ANXA1: variants seen among roughly 807,000 people sequenced by gnomAD.
ANXA1 encodes annexin I (lipocortin I).
ANXA1 carries 39 observed loss-of-function variants against 47.9 expected under a neutral mutation model. The ratio of observed to expected loss-of-function variants is 0.81; its 90% CI spans 0.63 to 1.06. ANXA1 has a LOEUF of 1.06. Ranked by LOEUF, ANXA1 falls within the 50% of genes least tolerant of loss-of-function variation. The probability of loss-of-function intolerance (pLI) is 0.00; values close to 1 mark genes in which losing one functional copy is unlikely to be tolerated. For synonymous variants in ANXA1, 146 were observed against 142.5 expected (o/e 1.02, Z -0.17); for missense variants, 446 against 422.7 (o/e 1.06, Z -0.48).
At position 73,161,055 on chromosome 9, in the gene ANXA1, G is replaced by C. The variant is rs569948029; in HGVS notation, c.475+162G>C. ...ACATGTCTATTAAATGCTGTTACCA[G>C]GCAACGCTTGAGTTGCTAGGTTGCT... On this transcript the variant is annotated intron_variant, in intron 6 of 12. Coordinates refer to ENST00000257497, the MANE Select transcript of ANXA1 (RefSeq NM_000700.3). 1.6e-4 allele frequency among the ~76,000 whole-genome samples: 24 copies of C among 152,200 alleles called. 1 individual carries two copies. The South Asian group carries it at 4.6e-3, about 29-fold the overall frequency.
chr9:73,165,260 CT>C, intron 9 of ANXA1, 51 bp downstream of exon 9: 1 of 1,475,188 alleles, frequency 6.8e-7, no homozygotes, highest in Non-Finnish European at 9.4e-7. Context: ...ATGCAATTTT[CT>C]TTTTTGATGA....
intron 12 of ANXA1, 98 bp from the exon 13 acceptor site, chr9:73,169,953 T>C (rs1293342853): frequency 2.5e-6 from 2 of 785,764 alleles, no homozygotes; most frequent in South Asian, 2.3e-5. Context: ...TGTAATCTCA[T>C]CTACAGCTAA....
At chr9:73,167,265 T>A (rs1824247525) in intron 10 of ANXA1, among the ~76,000 whole-genome samples, 1 of 152,072 alleles carries the variant, frequency 6.6e-6, no homozygotes, top group Admixed American at 6.6e-5. Context: ...TGAGATGTAT[T>A]TAAGGTAATA....
At chr9:73,169,181 C>A in intron 12 of ANXA1, 27 bp downstream of exon 12, 1 of 1,568,576 alleles carries the variant, frequency 6.4e-7, no homozygotes, top group African/African-American at 1.4e-5. Context: ...CTAATGCCAT[C>A]CCAACAAATG....
At chr9:73,152,780 G>A (rs1446568721) in intron 1 of ANXA1, among the ~76,000 whole-genome samples, 2 of 152,142 alleles carry the variant, frequency 1.3e-5, no homozygotes, top group Non-Finnish European at 2.9e-5. Flanking sequence ...ATTTACTAGT[G>A]TTGGATATAT....
In ANXA1 at chr9:73,162,774, T is replaced by A; in HGVS notation, c.476-8T>A. Reference sequence around the variant, plus strand: ...TTTACTATAAAATCTATTTTTCTTTTTTCTCAGAACTGAAGAGAGATCTGG... The same window carrying A: ...TTTACTATAAAATCTATTTTTCTTTATTCTCAGAACTGAAGAGAGATCTGG... On this transcript the variant is annotated splice_region_variant and splice_polypyrimidine_tract_variant and intron_variant, in intron 6 of 12. Coordinates refer to ENST00000257497, the MANE Select transcript of ANXA1 (RefSeq NM_000700.3). The A allele has an allele frequency of 6.2e-7, 1 of 1,604,022 alleles. No individual in the cohort carries two copies. The highest frequency in any genetic ancestry group is 8.5e-7 in the Non-Finnish European group (1 of 1,174,730).
chr9:73,158,620 A>C lies in ANXA1; in HGVS notation c.66+19A>C, dbSNP rs770284358. ...ATATGTTGTAAGTAGAGTGATAATA[A>C]AATTATGATTACAATATTGAAATAA... is the stretch of plus-strand genomic sequence containing the variant. On this transcript the variant is annotated intron_variant, in intron 2 of 12. Transcript: ENST00000257497. 8.1e-6 allele frequency: 13 copies of C among 1,611,098 alleles called. No individual in the cohort carries two copies. The highest frequency in any genetic ancestry group is 1.3e-5 in the African/African-American group (1 of 74,820).
chr9:73,167,383 T>G lies in ANXA1; in HGVS notation c.803-114T>G, dbSNP rs910005851. 4 of 865,848 alleles carry G rather than the reference T, an allele frequency of 4.6e-6. No homozygotes were observed. In the African/African-American group the frequency reaches 6.8e-5, roughly 15 times the overall value. 53.6% of individuals were successfully genotyped at this position (865,848 alleles called of 1,614,324 possible). A position where few individuals can be genotyped will look rare whatever the true frequency, so the allele number is the denominator to read the frequency against. ...ATATTGGGAGATGAGAGGTGAAGAA[T>G]GATGATGAGGGATAGAACACTGTTG... is the stretch of plus-strand genomic sequence containing the variant. On this transcript the variant is annotated intron_variant, in intron 10 of 12. Coordinates refer to ENST00000257497, the MANE Select transcript of ANXA1 (RefSeq NM_000700.3).
rs1024853465 is a variant in ANXA1 at position 73,160,395 on chromosome 9, G to A, written c.384+19G>A. ...CATGAAGGTAAATCGCCCAATTTGA[G>A]CAAACTCCTTTCCTCAAGAGGATGT... On this transcript the variant is annotated intron_variant, in intron 5 of 12. Transcript: ENST00000257497. 7.9e-6 allele frequency: 12 copies of A among 1,522,408 alleles called. No homozygotes were observed. The African/African-American group carries it at 1.6e-4, about 20-fold the overall frequency. The allele number at this position is 1,522,408 out of a possible 1,614,324, so 94.3% of individuals were successfully genotyped here.
In ANXA1 at chr9:73,158,601, T is replaced by C; in HGVS notation, c.66T>C (p.Val22=). ...WFIENEEQEY[V]QTVKSSKGGP... ...TTGAAAATGAAGAGCAGGAATATGTTGTAAGTAGAGTGATAATAAAATTAT... is the reference window on the plus strand; with the variant it reads ...TTGAAAATGAAGAGCAGGAATATGTCGTAAGTAGAGTGATAATAAAATTAT... Residue 22 remains valine, a splice_region_variant and synonymous_variant, in exon 2 of 13, where the codon GTT becomes GTC. Coordinates refer to ENST00000257497, the MANE Select transcript of ANXA1 (RefSeq NM_000700.3). The C allele has an allele frequency of 8.1e-6, 13 of 1,613,216 alleles. No individual in the cohort carries two copies. The highest frequency in any genetic ancestry group is 1.1e-5 in the Non-Finnish European group (13 of 1,179,322).
rs774669199 is a variant in ANXA1 at position 73,159,407 on chromosome 9, T to A, written c.254T>A (p.Leu85His). ...AQRQQIKAAY[L>H]QETGKPLDET... ...CGTCAACAGATCAAAGCAGCATATC[T>A]CCAGGAAACAGGAAAGGTAAGTTAG... The change falls in exon 4 of 13, where the codon CTC (leucine) becomes CAC (histidine). Residue 85 changes from leucine to histidine, a missense_variant. By Grantham distance (99) the Leu-to-His change is moderately conservative. Transcript: ENST00000257497. The A allele has an allele frequency of 6.2e-7, 1 of 1,612,878 alleles. No homozygotes were observed.
intron 1 of ANXA1, chr9:73,154,218 G>C (rs888728858): frequency 9.1e-5 from 92 of 1,009,322 alleles, no homozygotes; most frequent in Non-Finnish European, 1.2e-4. Flanking sequence ...GGAAGGACTT[G>C]TGAAATACAT....
chr9:73,162,872 G>T lies in ANXA1; in HGVS notation c.555+11G>T. The T allele has an allele frequency of 1.3e-6, 2 of 1,597,498 alleles. No homozygotes were observed. The highest frequency in any genetic ancestry group is 1.7e-6 in the Non-Finnish European group (2 of 1,166,098). On this transcript the variant is annotated intron_variant, in intron 7 of 12. Coordinates refer to ENST00000257497, the MANE Select transcript of ANXA1 (RefSeq NM_000700.3). ...CTTTCTCTTGCTAAGGTACAACTCA[G>T]ATACTTTAGGAAATGCCTCTTGTTT...
intron 5 of ANXA1, 51 bp downstream of exon 5, chr9:73,160,427 C>T (rs1824119582): frequency 7.8e-7 from 1 of 1,281,164 alleles, no homozygotes; most frequent in Non-Finnish European, 1.1e-6. Flanking sequence ...ATGTATTGGG[C>T]AAGTCACTTA....
At chr9:73,163,299 A>C (rs947655226) in intron 7 of ANXA1, among the ~76,000 whole-genome samples, 177 bp from the exon 8 acceptor site, 1 of 152,150 alleles carries the variant, frequency 6.6e-6, no homozygotes, top group African/African-American at 2.4e-5. Context: ...TGAGGTTTGG[A>C]GGGGAAGAAC....
chr9:73,167,775 A>G, intron 11 of ANXA1: 1 of 478,606 alleles, frequency 2.1e-6, no homozygotes, highest in South Asian at 3.5e-5. Context: ...TGAGCCTGTA[A>G]GTGATTTACG....
At chr9:73,159,655 T>C (rs949441427) in intron 4 of ANXA1, 2 of 333,548 alleles carry the variant, frequency 6.0e-6, no homozygotes, top group African/African-American at 4.3e-5. Flanking sequence ...TGTGGTGCTC[T>C]GGGGACAAAT....
chr9:73,162,341 T>C (rs1824156687), intron 6 of ANXA1, among the ~76,000 whole-genome samples: 1 of 152,230 alleles, frequency 6.6e-6, no homozygotes, highest in Non-Finnish European at 1.5e-5. Flanking sequence ...ACATAAATCA[T>C]CAAACTGCAT....
Position 73,165,150 on chromosome 9 carries a change from C to G in ANXA1, c.647C>G (p.Thr216Arg), listed in dbSNP as rs960791340. 1.2e-5 allele frequency: 19 copies of G among 1,612,570 alleles called. No homozygotes were observed. The Admixed American group carries it at 2.2e-4, about 18-fold the overall frequency. ...LYEAGERRKG[T>R]DVNVFNTILT... is the part of the protein sequence containing the mutation. ...GAAGCAGGAGAAAGGAGAAAGGGGA[C>G]AGACGTAAACGTGTTCAATACCATC... The change falls in exon 9 of 13, where the codon ACA (threonine) becomes AGA (arginine). Residue 216 changes from threonine to arginine, a missense_variant. Physicochemically the swap from Thr to Arg is moderately conservative, Grantham distance 71 (BLOSUM62 -1). Transcript: ENST00000257497.
Sources: gnomAD v4.1 joint callset for allele counts (sites outside exome capture counted in the v4.1 genomes callset) on GRCh38, gnomAD v4.1.1 for gene constraint, MANE v1.5 for transcripts, NCBI Gene and HGNC (gene_info 2026-07-23, HGNC 2026-07-21) for gene names.